The following CNTN5 variants were observed in gnomAD, a reference collection of about 807,000 sequenced individuals.
CNTN5 encodes the protein contactin 5.
A neutral mutation model predicts 129.1 loss-of-function variants in CNTN5; 77 were observed. The ratio of observed to expected loss-of-function variants is 0.60; its 90% confidence interval spans 0.50 to 0.72. The LOEUF (loss-of-function observed/expected upper bound fraction) is 0.72, where lower values mean the gene tolerates loss of function less well. Ranked by LOEUF, CNTN5 falls within the 30% of genes least tolerant of loss-of-function variation. The pLI, the probability that CNTN5 is intolerant of heterozygous loss-of-function variation, is 0.00. For synonymous variants in CNTN5, 509 were observed against 465.6 expected (o/e 1.09, Z -1.20); for missense variants, 1,478 against 1,328.8 (o/e 1.11, Z -1.75).
intron 9 of CNTN5, among the ~76,000 whole-genome samples, chr11:100,060,237 A>G: frequency 6.6e-6 from 1 of 151,458 alleles, no homozygotes; most frequent in Non-Finnish European, 1.5e-5. Flanking sequence ...AAAAAGAAAA[A>G]CCTCCGCTGC....
At chr11:99,554,131 A>C (rs899118737) in intron 2 of CNTN5, among the ~76,000 whole-genome samples, 2 of 152,044 alleles carry the variant, frequency 1.3e-5, no homozygotes, top group Non-Finnish European at 2.9e-5. Context: ...AGATTATTTC[A>C]TAACACCCCT....
chr11:100,237,421 T>A (rs1413571779), intron 16 of CNTN5, among the ~76,000 whole-genome samples: 1 of 152,156 alleles, frequency 6.6e-6, no homozygotes, highest in Non-Finnish European at 1.5e-5. Context: ...TGTAGTCTGG[T>A]CCCAGAATGC....
chr11:99,477,741 G>C (rs1360272005), intron 2 of CNTN5, among the ~76,000 whole-genome samples: 1 of 149,770 alleles, frequency 6.7e-6, no homozygotes, highest in Non-Finnish European at 1.5e-5. Context: ...CCTGAGGCCA[G>C]GAATTCAAGA....
rs113293616 is a variant in CNTN5, at chr11:99,139,101, ACCC to A, written c.-210+117841_-210+117843del. 2.7e-3 allele frequency among the ~76,000 whole-genome samples: 344 copies of A among 128,928 alleles called. 2 individuals are homozygous for A. Among genetic ancestry groups the A allele is most frequent in the African/African-American group, 5.1e-3 (177 of 34,972 alleles). 84.6% of individuals were successfully genotyped at this position (128,928 alleles called of 152,430 possible). On this transcript the variant is annotated intron_variant, in intron 1 of 24. Transcript: ENST00000524871. ...GAAACTCCATCTCTACCCCCTCCCC[ACCC>A]CCCCCCCCCAAAAATTAGCCAGGCA...
chr11:100,209,030 G>T (rs1433440496), intron 15 of CNTN5, among the ~76,000 whole-genome samples: 1 of 152,156 alleles, frequency 6.6e-6, no homozygotes, highest in East Asian at 1.9e-4. Flanking sequence ...AATCTCCAGT[G>T]CACGCACGCA....
chr11:100,354,489 T>C (rs1952482824), intron 24 of CNTN5, among the ~76,000 whole-genome samples: 1 of 151,664 alleles, frequency 6.6e-6, no homozygotes, highest in African/African-American at 2.4e-5. Flanking sequence ...TTTTGCCAGG[T>C]TTGGCATGAG....
intron 3 of CNTN5, among the ~76,000 whole-genome samples, chr11:99,728,203 TGAGA>T (rs113566105): frequency 7.3e-5 from 11 of 151,398 alleles, no homozygotes; most frequent in South Asian, 2.1e-4. Context: ...TGATCATACA[TGAGA>T]GAGAGAGAGG....
intron 3 of CNTN5, among the ~76,000 whole-genome samples, chr11:99,779,250 GAAATA>G (rs1201568825): frequency 2.0e-5 from 3 of 151,762 alleles, no homozygotes; most frequent in Admixed American, 6.6e-5. Context: ...AAATTCAGAA[GAAATA>G]AAATAATTAA....
rs562034594 is a variant in CNTN5, at chr11:99,492,370, C to T, written c.-70-63775C>T. 2.0e-5 allele frequency among the ~76,000 whole-genome samples: 3 copies of T among 152,270 alleles called. No homozygotes were observed. The South Asian group carries it at 6.2e-4, about 32-fold the overall frequency. ...TCTTCCAATCTTGCTTCCTTCAGGC[C>T]TTTAAACTGGAAGAATTTATTTTTT... On this transcript the variant is annotated intron_variant, in intron 2 of 24. Coordinates refer to ENST00000524871, the MANE Select transcript of CNTN5 (RefSeq NM_014361.4).
intron 24 of CNTN5, among the ~76,000 whole-genome samples, chr11:100,354,773 A>G (rs1337394023): frequency 6.6e-6 from 1 of 151,710 alleles, no homozygotes; most frequent in East Asian, 1.9e-4. Flanking sequence ...CATACACAAC[A>G]TGATACTGTA....
chr11:100,323,641 CCCCCTTCTTTTCA>C (rs1410423667), intron 21 of CNTN5, among the ~76,000 whole-genome samples: 1 of 128,856 alleles, frequency 7.8e-6, no homozygotes, highest in African/African-American at 3.6e-5. Context: ...CCTCCTCCCC[CCCCCTTCTTTTCA>C]TCACTCTTGA....
Position 99,915,972 on chromosome 11 carries a change from A to G in CNTN5, c.578-82A>G, listed in dbSNP as rs1591414076. On this transcript the variant is annotated intron_variant, in intron 6 of 24. Coordinates refer to ENST00000524871, the MANE Select transcript of CNTN5 (RefSeq NM_014361.4). ...AAAGACACCTTGTGAAGATAACGAT[A>G]GAAAGTAAGTACAAGTTACAATCAT... 9 of 1,074,094 alleles carry G rather than the reference A, an allele frequency of 8.4e-6. No homozygotes were observed. In the East Asian group the frequency reaches 2.3e-4, roughly 28 times the overall value. The allele number at this position is 1,074,094 out of a possible 1,614,324, so 66.5% of individuals were successfully genotyped here.
At chr11:100,043,652 C>T (rs1462451797) in intron 9 of CNTN5, among the ~76,000 whole-genome samples, 1 of 152,118 alleles carries the variant, frequency 6.6e-6, no homozygotes. Flanking sequence ...TGTTCATGTA[C>T]ATGGATTTTC....
chr11:99,033,839 C>G (rs1863538117), intron 1 of CNTN5, among the ~76,000 whole-genome samples: 2 of 151,952 alleles, frequency 1.3e-5, no homozygotes, highest in South Asian at 4.2e-4. Context: ...GCATCCCTGT[C>G]TTGTGCCAGT....
At chr11:99,872,246 T>A (rs1056538806) in intron 6 of CNTN5, among the ~76,000 whole-genome samples, 15 of 151,976 alleles carry the variant, frequency 9.9e-5, no homozygotes, top group East Asian at 1.9e-4. Flanking sequence ...TGAAAAAAAA[T>A]TTGAAATTGG....
Position 99,333,970 on chromosome 11 carries a change from TCTCACACA to T in CNTN5, c.-71+8488_-71+8495del, listed in dbSNP as rs762166187. ...AACTCATCAACTTTCTCTCTCTCTCTCTCACACACACACACACACACACACACAGTGCA... is the reference window on the plus strand; with the variant it reads ...AACTCATCAACTTTCTCTCTCTCTCTCACACACACACACACACACAGTGCA... On this transcript the variant is annotated intron_variant, in intron 2 of 24. Transcript: ENST00000524871. Among the ~76,000 whole-genome samples, 8 of 63,260 alleles carry T rather than the reference TCTCACACA, an allele frequency of 1.3e-4. No homozygotes were observed. In the East Asian group the frequency reaches 2.1e-3, roughly 17 times the overall value. The allele number at this position is 63,260 out of a possible 152,430, so 41.5% of individuals were successfully genotyped here. A position where few individuals can be genotyped will look rare whatever the true frequency, so the allele number is the denominator to read the frequency against.
chr11:99,807,222 C>T (rs1946300828), intron 3 of CNTN5, among the ~76,000 whole-genome samples: 1 of 151,964 alleles, frequency 6.6e-6, no homozygotes, highest in Non-Finnish European at 1.5e-5. Context: ...GAAAATATTG[C>T]TCTTTTATGA....
intron 3 of CNTN5, among the ~76,000 whole-genome samples, chr11:99,706,279 T>G (rs1248546660): frequency 6.6e-6 from 1 of 151,420 alleles, no homozygotes; most frequent in African/African-American, 2.4e-5. Context: ...TATACAGAAC[T>G]TTATAAAAGG....
At chr11:99,533,684 C>A (rs1947797308) in intron 2 of CNTN5, among the ~76,000 whole-genome samples, 1 of 152,174 alleles carries the variant, frequency 6.6e-6, no homozygotes, top group African/African-American at 2.4e-5. Context: ...GGTGGGGGTA[C>A]AGGGAACCCA....
Sources: gnomAD v4.1 joint callset for allele counts (sites outside exome capture counted in the v4.1 genomes callset) on GRCh38, gnomAD v4.1.1 for gene constraint, MANE v1.5 for transcripts, NCBI Gene and HGNC (gene_info 2026-07-23, HGNC 2026-07-21) for gene names.